BCL9L: variants seen among roughly 807,000 people sequenced by gnomAD.
BCL9L encodes BCL9 like.
BCL9L carries 19 observed loss-of-function variants against 99.4 expected under a neutral mutation model. That is an observed-to-expected ratio of 0.19 (90% CI 0.13 to 0.28). The LOEUF is 0.28. Ranked by LOEUF, BCL9L falls within the 10% of genes least tolerant of loss-of-function variation. BCL9L has a pLI of 1.00. For synonymous variants in BCL9L, 900 were observed against 854.8 expected (o/e 1.05, Z -0.92); for missense variants, 2,023 against 2,101.6 (o/e 0.96, Z 0.73).
rs752695922 is a variant in BCL9L, at chr11:118,898,595, G to A, written c.4320C>T (p.Gly1440=). 118 of 1,611,726 alleles carry A rather than the reference G, an allele frequency of 7.3e-5. 1 individual carries two copies. Among genetic ancestry groups the A allele is most frequent in the Middle Eastern group, 1.7e-4 (1 of 6,014 alleles). ...GCTGGCTGTAGACCTCGCCCCCCAC[G>A]CCCCGCTGCTTCATCAGCATGAAAT... ...QQNFMLMKQR[G]VGGEVYSQPP... is the part of the protein sequence containing the mutation. Residue 1440 remains glycine (G), a synonymous_variant, in exon 10 of 10, where the codon GGC becomes GGT. Transcript: ENST00000683865.
In BCL9L at chr11:118,898,061, C is replaced by G. The variant is rs1006379820; in HGVS notation, c.*354G>C. ...CCTGACCTGTCCTTCCTCTCTCCCC[C>G]CAGATTCCCATCCAGGACTCCAAAA... On this transcript the variant is annotated 3_prime_UTR_variant, in exon 10 of 10. Coordinates refer to ENST00000683865, the MANE Select transcript of BCL9L (RefSeq NM_001378213.1). 3.2e-5 allele frequency: 14 copies of G among 443,792 alleles called. 1 individual carries two copies. Among genetic ancestry groups the G allele is most frequent in the Admixed American group, 6.9e-5 (2 of 28,878 alleles). 27.5% of individuals were successfully genotyped at this position (443,792 alleles called of 1,614,324 possible).
At chr11:118,916,623 A>G (rs1247897288) in intron 2 of BCL9L, among the ~76,000 whole-genome samples, 2 of 151,922 alleles carry the variant, frequency 1.3e-5, no homozygotes, top group African/African-American at 2.4e-5. Flanking sequence ...TGCTGATATT[A>G]CCCCACTCCC....
chr11:118,915,805 A>C (rs1940947201), intron 2 of BCL9L, among the ~76,000 whole-genome samples: 1 of 152,200 alleles, frequency 6.6e-6, no homozygotes, highest in Non-Finnish European at 1.5e-5. Flanking sequence ...CTGGGAGAGA[A>C]AGAACAACTG....
chr11:118,908,764 G>A (rs551120642), intron 3 of BCL9L, 109 bp from the exon 4 acceptor site: 18 of 862,990 alleles, frequency 2.1e-5, no homozygotes, highest in African/African-American at 1.7e-4. Context: ...AGGGTGGGGG[G>A]AAGGGGTGGT....
rs1217576853 is a variant in BCL9L, at chr11:118,922,888, G to T, written c.-131+2350C>A. ...CAAAGGACTTCCCAGGCACCTCCTT[G>T]TGGGCCTCTTCTGATTCTGGGAAGA... On this transcript the variant is annotated intron_variant, in intron 1 of 9. Coordinates refer to ENST00000683865, the MANE Select transcript of BCL9L (RefSeq NM_001378213.1). The surrounding 1 kb of genome is among the most constrained non-coding windows in gnomAD (Gnocchi z 6.2). 6.6e-6 allele frequency among the ~76,000 whole-genome samples: 1 copy of T among 152,122 alleles called. No homozygotes were observed. The highest frequency in any genetic ancestry group is 6.5e-5 in the Admixed American group (1 of 15,288).
rs762337745 is a variant in BCL9L, at chr11:118,901,788, A to G, written c.1955T>C (p.Phe652Ser). The part of the protein sequence containing the change: ...DLPPMGGPSN[F>S]AQNTMPYPGG... ...TGGGTAGGGCATGGTGTTCTGGGCA[A>G]AATTGCTGGGTCCCCCCATAGGGGG... The change falls in exon 8 of 10, where the codon TTT (phenylalanine) becomes TCT (serine). Residue 652 changes from phenylalanine (F) to serine (S), a missense_variant. Phe to Ser is a radical substitution (Grantham distance 155). This residue lies in a region of BCL9L where 1,116 missense variants were observed against 1,194.6 expected (regional missense o/e 0.93). Transcript: ENST00000683865. This position sits in a 1 kb window ranked among gnomAD's most constrained non-coding sequence, Gnocchi z 6.6. The G allele has an allele frequency of 6.2e-7, 1 of 1,611,108 alleles. No homozygotes were observed. The highest frequency in any genetic ancestry group is 8.5e-7 in the Non-Finnish European group (1 of 1,177,636).
intron 5 of BCL9L, 103 bp downstream of exon 5, chr11:118,907,380 T>C: frequency 5.7e-6 from 9 of 1,570,840 alleles, no homozygotes; most frequent in Non-Finnish European, 7.8e-6. Flanking sequence ...GAGAGAAAAA[T>C]CCAGGACTCC....
Position 118,898,450 on chromosome 11 carries a change from G to A in BCL9L, c.4465C>T (p.Pro1489Ser), listed in dbSNP as rs1037274165. 7 of 1,606,520 alleles carry A rather than the reference G, an allele frequency of 4.4e-6. No homozygotes were observed. The Admixed American group carries it at 8.4e-5, about 19-fold the overall frequency. Residue 1489 changes from proline to serine, a missense_variant, in exon 10 of 10, where the codon CCG becomes TCG. This residue lies in a region of BCL9L where 902 missense variants were observed against 888.2 expected (regional missense o/e 1.02). Transcript: ENST00000683865. The part of the protein sequence containing the change: ...VSLDSQMGYL[P>S]APGGMANLPF ...AGGTTGGCCATGCCGCCTGGTGCCG[G>A]GAGGTAGCCCATCTGGCTGTCCAGG...
At chr11:118,899,623 C>G in intron 9 of BCL9L, 115 bp from the exon 10 acceptor site, 1 of 1,337,770 alleles carries the variant, frequency 7.5e-7, no homozygotes, top group South Asian at 1.4e-5. Context: ...AAGTCTTCAC[C>G]ACTGGCTTCC....
intron 2 of BCL9L, among the ~76,000 whole-genome samples, chr11:118,911,936 T>TA (rs1382995118): frequency 6.6e-6 from 1 of 152,258 alleles, no homozygotes; most frequent in Non-Finnish European, 1.5e-5. Context: ...GGGAAGGGGC[T>TA]ATTAGAAAAT....
rs906376624 is a variant in BCL9L at position 118,925,654 on chromosome 11, T to C, written c.-547A>G. Reference sequence around the variant, plus strand: ...TTCCTTTCCCCAAAGCCCGCGGGAATGCCGGGCGCTGGGTGGGGAGGGGCT... The same window carrying C: ...TTCCTTTCCCCAAAGCCCGCGGGAACGCCGGGCGCTGGGTGGGGAGGGGCT... On this transcript the variant is annotated 5_prime_UTR_variant, in exon 1 of 10. Transcript: ENST00000683865. This position sits in a 1 kb window ranked among gnomAD's most constrained non-coding sequence, Gnocchi z 6.4. 30 of 55,386 alleles carry C rather than the reference T, an allele frequency of 5.4e-4. No individual in the cohort carries two copies. Among genetic ancestry groups the C allele is most frequent in the African/African-American group, 2.2e-3 (28 of 12,820 alleles). The allele number at this position is 55,386 out of a possible 1,614,324, so 3.4% of individuals were successfully genotyped here. A position where few individuals can be genotyped will look rare whatever the true frequency, so the allele number is the denominator to read the frequency against.
Position 118,896,770 on chromosome 11 carries a change from T to A in BCL9L, c.*1645A>T, listed in dbSNP as rs1939938228. 6.6e-6 allele frequency: 1 copy of A among 152,658 alleles called. No individual in the cohort carries two copies. The highest frequency in any genetic ancestry group is 6.5e-5 in the Admixed American group (1 of 15,282). The allele number at this position is 152,658 out of a possible 1,614,324, so 9.5% of individuals were successfully genotyped here. ...CAGGAAGGCTAGGGACGGGTCCTGG[T>A]AGAAGACACCCTGTCTAGAATGGCC... On this transcript the variant is annotated 3_prime_UTR_variant, in exon 10 of 10. Transcript: ENST00000683865.
chr11:118,921,398 C>A lies in BCL9L; in HGVS notation c.-130-2519G>T, dbSNP rs1309532597. On this transcript the variant is annotated intron_variant, in intron 1 of 9. Coordinates refer to ENST00000683865, the MANE Select transcript of BCL9L (RefSeq NM_001378213.1). This position sits in a 1 kb window ranked among gnomAD's most constrained non-coding sequence, Gnocchi z 5.4. ...ATGCTCTGGGGAGGAGGGGAGCCTGCAGGGGGTGGAGAACCACTCAGGGAT... is the reference window on the plus strand; with the variant it reads ...ATGCTCTGGGGAGGAGGGGAGCCTGAAGGGGGTGGAGAACCACTCAGGGAT... Among the ~76,000 whole-genome samples the A allele has an allele frequency of 6.6e-6, 1 of 152,090 alleles. No individual in the cohort carries two copies. The highest frequency in any genetic ancestry group is 1.5e-5 in the Non-Finnish European group (1 of 68,030).
rs142121329 is a variant in BCL9L, at chr11:118,901,314, T to C, written c.2429A>G (p.Gln810Arg). 28 of 1,613,444 alleles carry C rather than the reference T, an allele frequency of 1.7e-5. No individual in the cohort carries two copies. The highest frequency in any genetic ancestry group is 2.3e-5 in the Non-Finnish European group (27 of 1,179,874). Reference sequence around the variant, plus strand: ...GGCCATCTCCTCAGGACTGAGGCCCTGGGGCCCCATCAAGTCCCCAGGGCC... The same window carrying C: ...GGCCATCTCCTCAGGACTGAGGCCCCGGGGCCCCATCAAGTCCCCAGGGCC... Reference protein sequence around the residue: ...MRGPGDLMGPQGLSPEEMARV... With the variant: ...MRGPGDLMGPRGLSPEEMARV... The change falls in exon 8 of 10, where the codon CAG (glutamine) becomes CGG (arginine). Residue 810 changes from glutamine to arginine, a missense_variant. This residue lies in a region of BCL9L where 1,116 missense variants were observed against 1,194.6 expected (regional missense o/e 0.93). Coordinates refer to ENST00000683865, the MANE Select transcript of BCL9L (RefSeq NM_001378213.1). This position sits in a 1 kb window ranked among gnomAD's most constrained non-coding sequence, Gnocchi z 6.6.
intron 2 of BCL9L, among the ~76,000 whole-genome samples, chr11:118,913,585 G>A (rs1463991622): frequency 1.3e-5 from 2 of 152,116 alleles, no homozygotes; most frequent in Non-Finnish European, 2.9e-5. Context: ...GGGGGTGGGG[G>A]GCACAAGGAA....
Position 118,898,425 on chromosome 11 carries a change from A to AGGTT in BCL9L, c.4486_4489dup (p.Leu1497GlnfsTer21), listed in dbSNP as rs760275172. On this transcript the variant is annotated frameshift_variant, in exon 10 of 10. Transcript: ENST00000683865. LOFTEE classifies it high-confidence loss of function. ...CCCTGGCAGCGACTTCTAGAAGGGC[A>AGGTT]GGTTGGCCATGCCGCCTGGTGCCGG... The AGGTT allele has an allele frequency of 6.2e-7, 1 of 1,603,314 alleles. No individual in the cohort carries two copies. The highest frequency in any genetic ancestry group is 1.1e-5 in the South Asian group (1 of 90,622).
chr11:118,898,311 C>CCCCCCCCCCCCCCCCCCCCCCCCCCCCA lies in BCL9L; in HGVS notation c.*103_*104insTGGGGGGGGGGGGGGGGGGGGGGGGGGG. 1 of 638,132 alleles carries CCCCCCCCCCCCCCCCCCCCCCCCCCCCA rather than the reference C, an allele frequency of 1.6e-6. No homozygotes were observed. Among genetic ancestry groups the CCCCCCCCCCCCCCCCCCCCCCCCCCCCA allele is most frequent in the Non-Finnish European group, 2.4e-6 (1 of 419,026 alleles). The allele number at this position is 638,132 out of a possible 1,614,324, so 39.5% of individuals were successfully genotyped here. ...CTACACAAGCCCCCTCCCACCCCCT[C>CCCCCCCCCCCCCCCCCCCCCCCCCCCCA]CACCCCACCCCGCGACCCAGGCCAT... On this transcript the variant is annotated 3_prime_UTR_variant, in exon 10 of 10. Coordinates refer to ENST00000683865, the MANE Select transcript of BCL9L (RefSeq NM_001378213.1).
intron 4 of BCL9L, 38 bp downstream of exon 4, chr11:118,908,232 G>A (rs754225349): frequency 9.2e-6 from 14 of 1,518,590 alleles, no homozygotes; most frequent in Non-Finnish European, 1.2e-5. Context: ...TTGGACTATG[G>A]GAGATGCTAG....
chr11:118,922,058 C>T lies in BCL9L; in HGVS notation c.-130-3179G>A, dbSNP rs1200945301. Among the ~76,000 whole-genome samples, 1 of 152,046 alleles carries T rather than the reference C, an allele frequency of 6.6e-6. No homozygotes were observed. Among genetic ancestry groups the T allele is most frequent in the East Asian group, 1.9e-4 (1 of 5,180 alleles). On this transcript the variant is annotated intron_variant, in intron 1 of 9. Coordinates refer to ENST00000683865, the MANE Select transcript of BCL9L (RefSeq NM_001378213.1). The surrounding 1 kb of genome is among the most constrained non-coding windows in gnomAD (Gnocchi z 6.2). ...GAGACTGAGGCAGTGTAACACATGC[C>T]CACACCCAGGAAGTCGCCCCTCCCA...
Sources: gnomAD v4.1 joint callset for allele counts (sites outside exome capture counted in the v4.1 genomes callset) on GRCh38, gnomAD v4.1.1 for gene constraint, gnomAD v4.1.1 regional missense constraint, Gnocchi (gnomAD v3.1) non-coding constraint, MANE v1.5 for transcripts, NCBI Gene and HGNC (gene_info 2026-07-23, HGNC 2026-07-21) for gene names.